Variants in FRMD4A observed in about 807,000 individuals in gnomAD.
FRMD4A encodes the protein FERM domain containing 4A.
Under a neutral mutation model 129.1 loss-of-function variants are expected in FRMD4A, and 29 were observed. That is an observed-to-expected ratio of 0.22 (90% CI 0.17 to 0.31). The LOEUF (loss-of-function observed/expected upper bound fraction) is 0.31, where lower values mean the gene tolerates loss of function less well. Ranked by LOEUF, FRMD4A falls within the 10% of genes least tolerant of loss-of-function variation. FRMD4A has a pLI of 1.00. For missense variants in FRMD4A, 1,272 were observed against 1,375.8 expected (o/e 0.92, Z 1.19); for synonymous variants, 634 against 571.6 (o/e 1.11, Z -1.56).
chr10:14,257,091 G>A (rs1589234777), intron 2 of FRMD4A, among the ~76,000 whole-genome samples: 1 of 152,232 alleles, frequency 6.6e-6, no homozygotes, highest in East Asian at 1.9e-4. Flanking sequence ...CACTTTGGGA[G>A]GCCAAGGATG....
chr10:14,110,209 T>TA lies in FRMD4A; in HGVS notation c.45+219848dup, dbSNP rs1204571413. 2.1e-3 allele frequency among the ~76,000 whole-genome samples: 302 copies of TA among 142,154 alleles called. 2 individuals are homozygous for TA. Among genetic ancestry groups the TA allele is most frequent in the African/African-American group, 5.7e-3 (221 of 38,546 alleles). 93.3% of individuals were successfully genotyped at this position (142,154 alleles called of 152,430 possible). ...CCATAGAAAATACTACAGATGTGGTTAAAAAAAAAACAAGTATGCATACAC... is the reference window on the plus strand; with the variant it reads ...CCATAGAAAATACTACAGATGTGGTTAAAAAAAAAAACAAGTATGCATACAC... On this transcript the variant is annotated intron_variant, in intron 2 of 24. Transcript: ENST00000357447.
At chr10:13,727,298 C>A (rs926553590) in intron 12 of FRMD4A, among the ~76,000 whole-genome samples, 1 of 152,174 alleles carries the variant, frequency 6.6e-6, no homozygotes, top group Admixed American at 6.5e-5. Context: ...CATGCAGCAC[C>A]GACCAGCCTC....
chr10:14,319,349 C>CCTCTCTCTCTGTCTCTCTCTCTCTCTCT, intron 2 of FRMD4A, among the ~76,000 whole-genome samples: 1 of 137,302 alleles, frequency 7.3e-6, no homozygotes, highest in South Asian at 2.3e-4. Context: ...ATCTCTCTCT[C>CCTCTCTCTCTGTCTCTCTCTCTCTCTCT]CTCTCTCTCT....
intron 2 of FRMD4A, among the ~76,000 whole-genome samples, chr10:14,061,757 C>T (rs1236788314): frequency 2.6e-5 from 4 of 152,302 alleles, no homozygotes; most frequent in East Asian, 3.9e-4. Context: ...TTCCCATGGG[C>T]ATTGTCACGT....
At chr10:14,192,083 G>A (rs532933728) in intron 2 of FRMD4A, among the ~76,000 whole-genome samples, 57 of 152,232 alleles carry the variant, frequency 3.7e-4, no homozygotes, top group South Asian at 2.1e-4. Context: ...CCAGCCAAAG[G>A]TGCACAGCTA....
At position 13,656,775 on chromosome 10, in the gene FRMD4A, C is replaced by G. The variant is rs573614192; in HGVS notation, c.2814G>C (p.Ser938=). ...GCGACAGGCGGCTGTGCTCCTTGTG[C>G]GAGGCGGTGGAACGCTGGTACCACT... ...LRQWYQRSTA[S]HKEHSRLSHT... The change falls in exon 22 of 25, where the codon TCG becomes TCC. Residue 938 remains serine, a synonymous_variant. Coordinates refer to ENST00000357447, the MANE Select transcript of FRMD4A (RefSeq NM_018027.5). The G allele has an allele frequency of 1.3e-6, 2 of 1,597,422 alleles. No homozygotes were observed. Among genetic ancestry groups the G allele is most frequent in the Non-Finnish European group, 1.7e-6 (2 of 1,173,368 alleles).
At chr10:14,319,364 C>CTCTG (rs1190088964) in intron 2 of FRMD4A, among the ~76,000 whole-genome samples, 1 of 147,514 alleles carries the variant, frequency 6.8e-6, no homozygotes, top group Non-Finnish European at 1.5e-5. Context: ...CTCTCTCTCT[C>CTCTG]TCTCACACAC....
intron 2 of FRMD4A, among the ~76,000 whole-genome samples, chr10:14,297,687 G>A (rs1846053023): frequency 1.3e-5 from 2 of 152,148 alleles, no homozygotes; most frequent in South Asian, 4.1e-4. Context: ...AAAGTGCTGT[G>A]TGTATAGAAA....
chr10:13,873,830 G>A (rs1477135817), intron 2 of FRMD4A, among the ~76,000 whole-genome samples: 1 of 151,836 alleles, frequency 6.6e-6, no homozygotes, highest in Non-Finnish European at 1.5e-5. Flanking sequence ...TACAGGCTGA[G>A]CCACCGTACC....
At chr10:13,941,844 C>T (rs2095294934) in intron 2 of FRMD4A, among the ~76,000 whole-genome samples, 1 of 152,188 alleles carries the variant, frequency 6.6e-6, no homozygotes. Context: ...AGAAGGTGGC[C>T]ACAGCCTCCT....
intron 2 of FRMD4A, among the ~76,000 whole-genome samples, chr10:14,259,060 T>C (rs1424300792): frequency 1.3e-5 from 2 of 152,170 alleles, no homozygotes; most frequent in African/African-American, 4.8e-5. Flanking sequence ...ACAAGGGATA[T>C]GTTCACTTTT....
chr10:13,669,333 A>AT (rs1355801143), intron 17 of FRMD4A, among the ~76,000 whole-genome samples: 1 of 152,088 alleles, frequency 6.6e-6, no homozygotes, highest in Non-Finnish European at 1.5e-5. Context: ...AAGTGCTGGG[A>AT]TTTTGCAGCG....
rs1282317696 is a variant in FRMD4A, at chr10:14,321,239, T to C, written c.45+8819A>G. 3.9e-5 allele frequency among the ~76,000 whole-genome samples: 6 copies of C among 151,996 alleles called. No individual in the cohort carries two copies. In the East Asian group the frequency reaches 5.8e-4, roughly 15 times the overall value. On this transcript the variant is annotated intron_variant, in intron 2 of 24. Coordinates refer to ENST00000357447, the MANE Select transcript of FRMD4A (RefSeq NM_018027.5). ...ATGAATAAAGTATAGAGAAATACTC[T>C]ATACTTATGAGGCACTCACAATCTA...
intron 15 of FRMD4A, among the ~76,000 whole-genome samples, chr10:13,679,252 T>C (rs1016384423): frequency 4.0e-5 from 6 of 148,394 alleles, no homozygotes; most frequent in African/African-American, 1.5e-4. Context: ...TGAAACCCCA[T>C]CTCTACTAAA....
At chr10:13,937,537 C>A (rs1346684859) in intron 2 of FRMD4A, among the ~76,000 whole-genome samples, 2 of 152,118 alleles carry the variant, frequency 1.3e-5, no homozygotes, top group African/African-American at 2.4e-5. Context: ...AGACCCGCCT[C>A]AAATTGAGTA....
Position 13,922,255 on chromosome 10 carries a change from C to A in FRMD4A, c.46-63343G>T, listed in dbSNP as rs191772040. Among the ~76,000 whole-genome samples the A allele has an allele frequency of 5.9e-5, 9 of 151,366 alleles. No homozygotes were observed. The East Asian group carries it at 1.4e-3, about 23-fold the overall frequency. ...CAGCCCCAGCTCATGATGACAGTGA[C>A]AATTCATCTGTCTATCCCTTACATT... On this transcript the variant is annotated intron_variant, in intron 2 of 24. Coordinates refer to ENST00000357447, the MANE Select transcript of FRMD4A (RefSeq NM_018027.5).
At chr10:13,846,549 G>C (rs1045495277) in intron 3 of FRMD4A, among the ~76,000 whole-genome samples, 7 of 152,228 alleles carry the variant, frequency 4.6e-5, no homozygotes, top group African/African-American at 1.7e-4. Flanking sequence ...AGACTCTATA[G>C]TAGGGTCACA....
At chr10:13,855,479 G>A (rs2094200479) in intron 3 of FRMD4A, among the ~76,000 whole-genome samples, 1 of 152,086 alleles carries the variant, frequency 6.6e-6, no homozygotes, top group African/African-American at 2.4e-5. Context: ...TTCTCTGGGG[G>A]AGAGAAACAC....
Position 13,804,369 on chromosome 10 carries a change from C to T in FRMD4A, c.206+6445G>A, listed in dbSNP as rs375058191. Among the ~76,000 whole-genome samples the T allele has an allele frequency of 7.2e-5, 11 of 152,260 alleles. No homozygotes were observed. In the East Asian group the frequency reaches 1.2e-3, roughly 16 times the overall value. On this transcript the variant is annotated intron_variant, in intron 4 of 24. Transcript: ENST00000357447. ...GTAGATAAGCTTGTGGCCAGGAATG[C>T]TGAATGACTGAACCCTTTTCAGAGG...
Sources: allele counts gnomAD v4.1 joint callset (sites outside exome capture counted in the v4.1 genomes callset), GRCh38; gene constraint gnomAD v4.1.1; transcripts MANE v1.5; gene names NCBI Gene and HGNC (gene_info 2026-07-23, HGNC 2026-07-21).